MTCL2: variants seen among roughly 807,000 people sequenced by gnomAD.
The protein encoded by MTCL2 is microtubule cross-linking factor 2.
At chr20:36,847,271 T>G in the MTCL2 span, among the ~76,000 whole-genome samples, 1 of 152,348 alleles carries the variant, frequency 6.6e-6, no homozygotes, top group Admixed American at 6.5e-5. Context: ...TTCCAATTTG[T>G]TCAGCTATTC....
At chr20:36,804,352 G>A in the MTCL2 span, among the ~76,000 whole-genome samples, 5 of 152,310 alleles carry the variant, frequency 3.3e-5, no homozygotes, top group East Asian at 3.9e-4. Context: ...TTGGGGGCAC[G>A]CTGGGGAGTT....
chr20:36,827,365 T>C, the MTCL2 span, among the ~76,000 whole-genome samples: 2 of 146,482 alleles, frequency 1.4e-5, no homozygotes, highest in Non-Finnish European at 3.0e-5. Flanking sequence ...CCCTTTTTTT[T>C]TTTTTTTTTT....
chr20:36,785,135 G>A, the MTCL2 span: 1 of 985,330 alleles, frequency 1.0e-6, no homozygotes, highest in African/African-American at 1.7e-5. Context: ...TGAGTAATAA[G>A]TAGTGTTCTG....
the MTCL2 span, chr20:36,815,853 G>T: frequency 6.2e-7 from 1 of 1,602,402 alleles, no homozygotes; most frequent in Non-Finnish European, 8.5e-7. The surrounding 1 kb of genome is among the most constrained non-coding windows in gnomAD (Gnocchi z 5.3). Context: ...GAGCTCGGCA[G>T]AGGAGCGCCG....
chr20:36,858,544 C>T, the MTCL2 span, among the ~76,000 whole-genome samples: 1 of 149,338 alleles, frequency 6.7e-6, no homozygotes, highest in Admixed American at 6.7e-5. Flanking sequence ...GTGATCACAC[C>T]TTTCCGTTCT....
the MTCL2 span, among the ~76,000 whole-genome samples, chr20:36,799,731 G>A: frequency 2.6e-5 from 4 of 151,988 alleles, no homozygotes; most frequent in African/African-American, 7.2e-5. Flanking sequence ...GGGAGGAAGG[G>A]AGGGAAGGGA....
chr20:36,778,384 C>T, the MTCL2 span: 1 of 152,360 alleles, frequency 6.6e-6, no homozygotes, highest in Non-Finnish European at 1.5e-5. Flanking sequence ...TAGGGCCCCA[C>T]TCCACAAGCT....
the MTCL2 span, among the ~76,000 whole-genome samples, chr20:36,823,807 T>G: frequency 3.9e-5 from 6 of 152,106 alleles, no homozygotes; most frequent in South Asian, 6.2e-4. Flanking sequence ...GACTCTTGTC[T>G]CCCCCAAAAA....
At chr20:36,835,194 G>A in the MTCL2 span, among the ~76,000 whole-genome samples, 1 of 152,158 alleles carries the variant, frequency 6.6e-6, no homozygotes. Flanking sequence ...AGCAAACGTG[G>A]CACAGCAGCT....
chr20:36,817,557 C>T, the MTCL2 span: 1 of 1,338,074 alleles, frequency 7.5e-7, no homozygotes, highest in Non-Finnish European at 1.0e-6. Flanking sequence ...GTCACAGTGC[C>T]CAGGGTCCAG....
the MTCL2 span, among the ~76,000 whole-genome samples, chr20:36,850,858 G>A: frequency 7.2e-5 from 11 of 152,328 alleles, no homozygotes; most frequent in Admixed American, 5.9e-4. Context: ...GTACGTCCAC[G>A]CAATAGAATA....
chr20:36,815,654 C>T, the MTCL2 span: 14 of 1,607,498 alleles, frequency 8.7e-6, no homozygotes, highest in Non-Finnish European at 1.1e-5. The surrounding 1 kb of genome is among the most constrained non-coding windows in gnomAD (Gnocchi z 5.3). Context: ...TGGAGAGGAG[C>T]ACGCGGTTCT....
chr20:36,839,999 A>G, the MTCL2 span, among the ~76,000 whole-genome samples: 2 of 151,580 alleles, frequency 1.3e-5, no homozygotes, highest in Non-Finnish European at 2.9e-5. This position sits in a 1 kb window ranked among gnomAD's most constrained non-coding sequence, Gnocchi z 5.1. Context: ...AGTAGTTGGG[A>G]TTACAGGTGC....
At chr20:36,777,700 CT>C in the MTCL2 span, 1 of 514,452 alleles carries the variant, frequency 1.9e-6, no homozygotes. Context: ...TCCCATGGGC[CT>C]TGCCCTGGGG....
chr20:36,810,887 T>G, the MTCL2 span, among the ~76,000 whole-genome samples: 1 of 152,104 alleles, frequency 6.6e-6, no homozygotes, highest in African/African-American at 2.4e-5. Flanking sequence ...GCCTGGCTAA[T>G]TTTTGTATAT....
chr20:36,796,023 A>G, the MTCL2 span, among the ~76,000 whole-genome samples: 3 of 152,106 alleles, frequency 2.0e-5, no homozygotes, highest in African/African-American at 7.2e-5. Flanking sequence ...AGCTCCTTTT[A>G]TCGGCTGCTT....
At chr20:36,780,554 C>T in the MTCL2 span, 1 of 152,168 alleles carries the variant, frequency 6.6e-6, no homozygotes, top group Non-Finnish European at 1.5e-5. Flanking sequence ...AGTATTGTCC[C>T]CCACCCCAGG....
At chr20:36,861,458 G>A in the MTCL2 span, among the ~76,000 whole-genome samples, 1,899 of 152,272 alleles carry the variant, frequency 0.012, 26 homozygotes, top group African/African-American at 0.041. Context: ...CAGATCCCGG[G>A]GAAAATGGGG....
the MTCL2 span, among the ~76,000 whole-genome samples, chr20:36,811,872 T>G: frequency 2.0e-5 from 3 of 152,246 alleles, no homozygotes; most frequent in East Asian, 5.8e-4. Flanking sequence ...CATAGGACTC[T>G]GCAAGGTTCA....
Sources: gnomAD v4.1 joint callset for allele counts (sites outside exome capture counted in the v4.1 genomes callset) on GRCh38, gnomAD v4.1.1 for gene constraint, Gnocchi (gnomAD v3.1) non-coding constraint, MANE v1.5 for transcripts, NCBI Gene and HGNC (gene_info 2026-07-23, HGNC 2026-07-21) for gene names.